LDLRAD3: variants seen among roughly 807,000 people sequenced by gnomAD.
LDLRAD3 encodes low-density lipoprotein receptor class A domain-containing protein 3.
Under a neutral mutation model 29.4 loss-of-function variants are expected in LDLRAD3, and 20 were observed. That is an observed-to-expected ratio of 0.68 (90% CI 0.48 to 0.99). LDLRAD3 has a LOEUF of 0.99. Among genes scored for constraint, LDLRAD3 ranks in the 50% least tolerant of loss-of-function variants. LDLRAD3 has a pLI of 0.00. For missense variants in LDLRAD3, 420 were observed against 454.3 expected, an observed-to-expected ratio of 0.92 and a Z score of 0.69; for synonymous variants, 157 against 192.7, an observed-to-expected ratio of 0.81 and a Z score of 1.53.
intron 3 of LDLRAD3, among the ~76,000 whole-genome samples, chr11:36,085,040 A>G (rs1156425637): frequency 1.3e-5 from 2 of 152,202 alleles, no homozygotes; most frequent in African/African-American, 4.8e-5. Context: ...TCTTTCCTTC[A>G]TTCATGATAT....
At chr11:36,027,260 A>G (rs533626346) in intron 1 of LDLRAD3, among the ~76,000 whole-genome samples, 4 of 152,276 alleles carry the variant, frequency 2.6e-5, no homozygotes, top group South Asian at 2.1e-4. Context: ...GATTGAGTAT[A>G]TATTAAGTGG....
rs189839418 is a variant in LDLRAD3 at position 36,071,111 on chromosome 11, T to A, written c.194-10542T>A. 1.8e-3 allele frequency among the ~76,000 whole-genome samples: 270 copies of A among 152,250 alleles called. 3 individuals are homozygous for A. Among genetic ancestry groups the A allele is most frequent in the Non-Finnish European group, 2.9e-3 (195 of 68,014 alleles). ...TTTGCAGAATAATGAAATACACAGA[T>A]GTTAAAATGAAAAGAGACAGAGATG... On this transcript the variant is annotated intron_variant, in intron 2 of 5. Coordinates refer to ENST00000315571, the MANE Select transcript of LDLRAD3 (RefSeq NM_174902.4).
At chr11:36,191,855 A>G (rs1406293194) in intron 4 of LDLRAD3, among the ~76,000 whole-genome samples, 1 of 152,024 alleles carries the variant, frequency 6.6e-6, no homozygotes, top group East Asian at 1.9e-4. Flanking sequence ...GATAATAAAA[A>G]CAGTGATTAT....
chr11:35,997,158 T>G (rs1353769863), intron 1 of LDLRAD3: 1 of 276,226 alleles, frequency 3.6e-6, no homozygotes, highest in Non-Finnish European at 6.9e-6. Flanking sequence ...AGTTGTCAAA[T>G]GATCCTTTAT....
intron 4 of LDLRAD3, among the ~76,000 whole-genome samples, chr11:36,187,189 C>T (rs891275604): frequency 6.6e-6 from 1 of 152,080 alleles, no homozygotes; most frequent in African/African-American, 2.4e-5. Context: ...TTTAGTCTTT[C>T]CTTTTTTATG....
intron 4 of LDLRAD3, among the ~76,000 whole-genome samples, chr11:36,141,151 G>A (rs1854081219): frequency 1.3e-5 from 2 of 152,140 alleles, no homozygotes; most frequent in African/African-American, 2.4e-5. Context: ...TTCGATGGCA[G>A]TAATATATGT....
At chr11:35,959,689 A>G (rs263085) in intron 1 of LDLRAD3, among the ~76,000 whole-genome samples, 1 of 152,024 alleles carries the variant, frequency 6.6e-6, no homozygotes, top group African/African-American at 2.4e-5. Context: ...TGGGAGGCTG[A>G]GGCTGGTGGA....
chr11:35,972,769 G>A (rs1056113624), intron 1 of LDLRAD3: 1 of 152,152 alleles, frequency 6.6e-6, no homozygotes, highest in Non-Finnish European at 1.5e-5. Flanking sequence ...GTATAAAAGA[G>A]GTCAGGCGCG....
At chr11:36,028,272 G>T (rs1056203609) in intron 1 of LDLRAD3, among the ~76,000 whole-genome samples, 2 of 152,202 alleles carry the variant, frequency 1.3e-5, no homozygotes, top group African/African-American at 4.8e-5. Flanking sequence ...CAGTCAATAG[G>T]CATTTGTGGA....
At chr11:36,006,551 G>C (rs1390289131) in intron 1 of LDLRAD3, among the ~76,000 whole-genome samples, 1 of 152,220 alleles carries the variant, frequency 6.6e-6, no homozygotes, top group Non-Finnish European at 1.5e-5. Flanking sequence ...CTCCATAGCT[G>C]CTGCAGTTCC....
chr11:36,154,381 A>G (rs115432679), intron 4 of LDLRAD3, among the ~76,000 whole-genome samples: 2,050 of 152,294 alleles, frequency 0.013, 53 homozygotes, highest in African/African-American at 0.045. Context: ...GGCACAGCCT[A>G]GGGGCTCTTG....
chr11:36,024,634 C>G (rs576937570), intron 1 of LDLRAD3, among the ~76,000 whole-genome samples: 46 of 152,344 alleles, frequency 3.0e-4, no homozygotes, highest in Non-Finnish European at 6.2e-4. Context: ...TGCCTTCCCC[C>G]ATCCTGCACC....
intron 4 of LDLRAD3, among the ~76,000 whole-genome samples, chr11:36,150,463 G>A (rs531300202): frequency 6.6e-6 from 1 of 152,170 alleles, no homozygotes; most frequent in Admixed American, 6.5e-5. Flanking sequence ...AGGAGTCCCA[G>A]GCTGCCGTGT....
intron 1 of LDLRAD3, among the ~76,000 whole-genome samples, chr11:36,014,448 G>A (rs941697003): frequency 1.3e-5 from 2 of 152,208 alleles, no homozygotes; most frequent in Non-Finnish European, 2.9e-5. Flanking sequence ...CGGCTGGAAG[G>A]GTGCAGTATG....
intron 4 of LDLRAD3, among the ~76,000 whole-genome samples, chr11:36,193,431 C>T (rs936478090): frequency 3.9e-5 from 6 of 152,168 alleles, no homozygotes; most frequent in Admixed American, 2.0e-4. Flanking sequence ...TACATCAACA[C>T]GGCTTTTATC....
chr11:35,999,569 C>T (rs181861870), intron 1 of LDLRAD3, among the ~76,000 whole-genome samples: 1 of 152,284 alleles, frequency 6.6e-6, no homozygotes, highest in African/African-American at 2.4e-5. Flanking sequence ...CTACCCACTA[C>T]TTTCTCCAGG....
chr11:35,998,833 A>C (rs1174622419), intron 1 of LDLRAD3, among the ~76,000 whole-genome samples: 1 of 152,180 alleles, frequency 6.6e-6, no homozygotes, highest in Non-Finnish European at 1.5e-5. Flanking sequence ...AATTTAACTG[A>C]CACTTAGCGT....
intron 3 of LDLRAD3, among the ~76,000 whole-genome samples, chr11:36,096,614 G>C (rs150927872): frequency 1.3e-5 from 2 of 152,364 alleles, no homozygotes; most frequent in Non-Finnish European, 2.9e-5. Context: ...ACTGGGCACT[G>C]TACATTTTCC....
intron 1 of LDLRAD3, chr11:35,972,345 G>A (rs766483918): frequency 2.6e-5 from 4 of 152,178 alleles, no homozygotes; most frequent in Non-Finnish European, 5.9e-5. Flanking sequence ...AGATGTTAGG[G>A]CGATTCATCA....
Sources: allele counts gnomAD v4.1 joint callset (sites outside exome capture counted in the v4.1 genomes callset), GRCh38; gene constraint gnomAD v4.1.1; transcripts MANE v1.5; gene names NCBI Gene and HGNC (gene_info 2026-07-23, HGNC 2026-07-21).